The following ASIC2 variants were observed in gnomAD, a reference collection of about 807,000 sequenced individuals.
ASIC2 encodes the protein acid-sensing ion channel 2.
ASIC2 carries 25 observed loss-of-function variants against 57.3 expected under a neutral mutation model. That is an observed-to-expected ratio of 0.44 (90% CI 0.32 to 0.61). The LOEUF (loss-of-function observed/expected upper bound fraction) is 0.61. Among genes scored for constraint, ASIC2 ranks in the 20% least tolerant of loss-of-function variants. The probability of loss-of-function intolerance (pLI) is 0.06; values close to 1 mark genes in which losing one functional copy is unlikely to be tolerated. For synonymous variants in ASIC2, 319 were observed against 307.5 expected (o/e 1.04, Z -0.39); for missense variants, 641 against 738.1 (o/e 0.87, Z 1.52).
intron 1 of ASIC2, among the ~76,000 whole-genome samples, chr17:33,426,996 T>G (rs1037497801): frequency 6.6e-6 from 1 of 152,172 alleles, no homozygotes; most frequent in African/African-American, 2.4e-5. Flanking sequence ...AAAGGCCCTG[T>G]GGATGGGAAA....
intron 1 of ASIC2, among the ~76,000 whole-genome samples, chr17:33,584,484 G>C (rs1904547320): frequency 6.6e-6 from 1 of 152,248 alleles, no homozygotes; most frequent in South Asian, 2.1e-4. Context: ...GGAGGAGCTT[G>C]TCACTCTACT....
At position 33,810,321 on chromosome 17, in the gene ASIC2, C is replaced by T. The variant is rs556920635; in HGVS notation, c.555+345657G>A. ...TTGTATCAGTCTATTCTATTGGTTT[C>T]CAAACTTTGCTGCACATTAGAATCA... is the stretch of plus-strand genomic sequence containing the variant. On this transcript the variant is annotated intron_variant, in intron 1 of 9. Transcript: ENST00000359872. Among the ~76,000 whole-genome samples, 3 of 152,250 alleles carry T rather than the reference C, an allele frequency of 2.0e-5. No homozygotes were observed. The East Asian group carries it at 5.8e-4, about 29-fold the overall frequency.
intron 1 of ASIC2, among the ~76,000 whole-genome samples, chr17:33,303,141 C>T (rs1199833728): frequency 1.3e-5 from 2 of 152,200 alleles, no homozygotes; most frequent in African/African-American, 2.4e-5. Context: ...GCCAGGATTC[C>T]AACTCAAGTG....
intron 1 of ASIC2, among the ~76,000 whole-genome samples, chr17:33,726,302 G>A (rs1033043189): frequency 6.6e-6 from 1 of 152,162 alleles, no homozygotes; most frequent in African/African-American, 2.4e-5. Context: ...GACCACACCT[G>A]TATGAGAGAT....
intron 1 of ASIC2, among the ~76,000 whole-genome samples, chr17:33,189,756 A>AATG (rs1353589808): frequency 6.6e-6 from 1 of 152,190 alleles, no homozygotes. Context: ...TAATAATAAT[A>AATG]ATAAACCTGT....
Position 33,013,777 on chromosome 17 carries a change from G to A in ASIC2, c.*188C>T, listed in dbSNP as rs759656621. The A allele has an allele frequency of 3.4e-5, 21 of 616,636 alleles. No homozygotes were observed. The highest frequency in any genetic ancestry group is 4.3e-4 in the Middle Eastern group (1 of 2,300). 38.2% of individuals were successfully genotyped at this position (616,636 alleles called of 1,614,324 possible). ...ATCTCTCCTAAGAGGGACGCACGGC[G>A]GGGCCCAAGGATGCGTCGTGTTGGA... On this transcript the variant is annotated 3_prime_UTR_variant, in exon 10 of 10. Coordinates refer to ENST00000225823, the MANE Select transcript of ASIC2 (RefSeq NM_183377.2).
intron 1 of ASIC2, among the ~76,000 whole-genome samples, chr17:33,719,789 C>T (rs1909331970): frequency 6.6e-6 from 1 of 152,188 alleles, no homozygotes; most frequent in South Asian, 2.1e-4. Context: ...AGTGCTATTG[C>T]CCTTCCTATC....
chr17:33,852,662 A>T (rs373777759), intron 1 of ASIC2, among the ~76,000 whole-genome samples: 1 of 151,258 alleles, frequency 6.6e-6, no homozygotes, highest in African/African-American at 2.4e-5. Context: ...TTGCAAAGCC[A>T]TCTTTCTTTC....
chr17:33,637,783 G>A (rs931365656), intron 1 of ASIC2, among the ~76,000 whole-genome samples: 3 of 152,202 alleles, frequency 2.0e-5, no homozygotes, highest in East Asian at 1.9e-4. Context: ...CACTGAGCCC[G>A]TGGTATTACA....
chr17:33,665,860 T>C (rs1907455922), intron 1 of ASIC2, among the ~76,000 whole-genome samples: 1 of 152,198 alleles, frequency 6.6e-6, no homozygotes, highest in Non-Finnish European at 1.5e-5. Flanking sequence ...TGCTTCTCTC[T>C]CCAGAGACTG....
chr17:33,449,830 A>G (rs1912180770), intron 1 of ASIC2, among the ~76,000 whole-genome samples: 1 of 151,694 alleles, frequency 6.6e-6, no homozygotes, highest in East Asian at 1.9e-4. Context: ...GCTGAAGTGC[A>G]GTGGCACAAT....
chr17:33,887,387 G>A (rs779010439), intron 1 of ASIC2, among the ~76,000 whole-genome samples: 7 of 152,142 alleles, frequency 4.6e-5, no homozygotes, highest in Non-Finnish European at 1.0e-4. Context: ...GCTCTTTGGG[G>A]TCCTAGAAGA....
chr17:33,494,544 G>T (rs1057255422), intron 1 of ASIC2, among the ~76,000 whole-genome samples: 48 of 152,322 alleles, frequency 3.2e-4, no homozygotes, highest in African/African-American at 1.1e-3. Context: ...CTCAGGGATG[G>T]AGTCGCAGGA....
intron 1 of ASIC2, among the ~76,000 whole-genome samples, chr17:33,970,790 T>A (rs1353010266): frequency 6.6e-6 from 1 of 152,194 alleles, no homozygotes; most frequent in Non-Finnish European, 1.5e-5. Context: ...AACTACTTGC[T>A]TTCATCATTA....
At chr17:34,078,884 G>A (rs1315200316) in intron 1 of ASIC2, 1 of 152,204 alleles carries the variant, frequency 6.6e-6, no homozygotes, top group African/African-American at 2.4e-5. Flanking sequence ...AGTCCCCCAA[G>A]TTCTCCTACC....
Position 33,023,842 on chromosome 17 carries a change from C to A in ASIC2, c.1349+19G>T, listed in dbSNP as rs775234448. On this transcript the variant is annotated intron_variant, in intron 6 of 9. Coordinates refer to ENST00000225823, the MANE Select transcript of ASIC2 (RefSeq NM_183377.2). ...TCCAGTTCCCCCTTCCCCCTGCCTA[C>A]CATGCCCACTAAACTTACGAGATAT... The A allele has an allele frequency of 2.5e-6, 4 of 1,613,730 alleles. No homozygotes were observed. The Admixed American group carries it at 5.0e-5, about 20-fold the overall frequency.
intron 1 of ASIC2, among the ~76,000 whole-genome samples, chr17:33,572,830 C>T (rs1040256014): frequency 6.6e-6 from 1 of 152,210 alleles, no homozygotes; most frequent in African/African-American, 2.4e-5. Flanking sequence ...GCTCCATAGC[C>T]TGGCCTGGCT....
chr17:33,367,608 CT>C (rs1340789678), intron 1 of ASIC2, among the ~76,000 whole-genome samples: 1 of 152,176 alleles, frequency 6.6e-6, no homozygotes, highest in Admixed American at 6.5e-5. Context: ...GGTACTCACT[CT>C]TTTTTTGTTT....
At position 33,950,647 on chromosome 17, in the gene ASIC2, T is replaced by C. The variant is rs548928372; in HGVS notation, c.555+205331A>G. The stretch of plus-strand genomic sequence containing the variant: ...CTCCCCATGCCCACTGCCTTGGCCA[T>C]GTGGAGGCTGAAGTTCAGAGAGGGG... On this transcript the variant is annotated intron_variant, in intron 1 of 9. Coordinates refer to the ASIC2 transcript ENST00000359872. Among the ~76,000 whole-genome samples the C allele has an allele frequency of 7.2e-5, 11 of 152,260 alleles. No individual in the cohort carries two copies. The South Asian group carries it at 1.2e-3, about 17-fold the overall frequency.
Sources: allele counts gnomAD v4.1 joint callset (sites outside exome capture counted in the v4.1 genomes callset), GRCh38; gene constraint gnomAD v4.1.1; transcripts MANE v1.5; gene names NCBI Gene and HGNC (gene_info 2026-07-23, HGNC 2026-07-21).